PARVA: variants seen among roughly 807,000 people sequenced by gnomAD.
The protein encoded by PARVA is parvin alpha.
PARVA carries 25 observed loss-of-function variants against 52.6 expected under a neutral mutation model. The ratio of observed to expected loss-of-function variants is 0.48; its 90% CI spans 0.35 to 0.66. The LOEUF is 0.66. Ranked by LOEUF, PARVA falls within the 30% of genes least tolerant of loss-of-function variation. The probability of loss-of-function intolerance (pLI) is 0.01; values close to 1 mark genes in which losing one functional copy is unlikely to be tolerated. For missense variants in PARVA, 373 were observed against 450.9 expected (o/e 0.83, Z 1.56); for synonymous variants, 185 against 179.1 (o/e 1.03, Z -0.26).
At chr11:12,419,474 A>G (rs1940116305) in intron 1 of PARVA, among the ~76,000 whole-genome samples, 1 of 152,202 alleles carries the variant, frequency 6.6e-6, no homozygotes, top group South Asian at 2.1e-4. Context: ...GCTGAATGAT[A>G]TTCCATTGTA....
intron 12 of PARVA, among the ~76,000 whole-genome samples, chr11:12,527,617 G>A (rs1941720313): frequency 6.6e-6 from 1 of 152,174 alleles, no homozygotes; most frequent in South Asian, 2.1e-4. Context: ...GAGCCCCTGG[G>A]ACAGGTGGGG....
At position 12,513,990 on chromosome 11, in the gene PARVA, C is replaced by A. The variant is rs780817736; in HGVS notation, c.799-7C>A. On this transcript the variant is annotated splice_region_variant and splice_polypyrimidine_tract_variant and intron_variant, in intron 9 of 12. Coordinates refer to ENST00000334956, the MANE Select transcript of PARVA (RefSeq NM_018222.5). ...CCAGCTTAGGGCCTGCTTTGCTTCT[C>A]TTTTAGACACTCATCACTTTCGTGA... 2.2e-5 allele frequency: 35 copies of A among 1,613,508 alleles called. No individual in the cohort carries two copies. The highest frequency in any genetic ancestry group is 1.7e-4 in the Middle Eastern group (1 of 6,060).
intron 1 of PARVA, among the ~76,000 whole-genome samples, chr11:12,440,619 T>C (rs1388009584): frequency 3.3e-5 from 5 of 152,240 alleles, no homozygotes; most frequent in African/African-American, 4.8e-5. Flanking sequence ...GCAGGGTTTT[T>C]ATCTGGTGGC....
At chr11:12,451,064 C>T (rs866551233) in intron 1 of PARVA, among the ~76,000 whole-genome samples, 1 of 152,222 alleles carries the variant, frequency 6.6e-6, no homozygotes, top group African/African-American at 2.4e-5. Context: ...TTAACCATCA[C>T]ACCCTGGAAG....
intron 1 of PARVA, among the ~76,000 whole-genome samples, chr11:12,434,855 C>T (rs1240193419): frequency 6.6e-6 from 1 of 152,140 alleles, no homozygotes; most frequent in Non-Finnish European, 1.5e-5. Flanking sequence ...TTTTACCGAG[C>T]CTGCTCCAGG....
At position 12,473,914 on chromosome 11, in the gene PARVA, G is replaced by A; in HGVS notation, c.228G>A (p.Glu76=). Reference sequence around the variant, plus strand: ...ACTGAATTCCTTTTCTTTTTAAAGAGGAGAATGAGGTGCGAACAATGGTGG... The same window carrying A: ...ACTGAATTCCTTTTCTTTTTAAAGAAGAGAATGAGGTGCGAACAATGGTGG... ...FELDPEDTML[E]ENEVRTMVDP... Residue 76 remains glutamate, a splice_region_variant and synonymous_variant, in exon 3 of 13, where the codon GAG becomes GAA. Transcript: ENST00000334956. 8 of 1,575,874 alleles carry A rather than the reference G, an allele frequency of 5.1e-6. No individual in the cohort carries two copies. The highest frequency in any genetic ancestry group is 6.9e-6 in the Non-Finnish European group (8 of 1,160,552).
chr11:12,517,303 ACCACCCC>A lies in PARVA; in HGVS notation c.868-287_868-281del, dbSNP rs75796904. On this transcript the variant is annotated intron_variant, in intron 10 of 12. Transcript: ENST00000334956. ...CTCCTCCAGGGCAGGAGCCACACTG[ACCACCCC>A]CCACCCCCCACCCCCCACCATGCTC... Among the ~76,000 whole-genome samples, 182 of 112,560 alleles carry A rather than the reference ACCACCCC, an allele frequency of 1.6e-3. 3 individuals carry two copies. The highest frequency in any genetic ancestry group is 5.1e-3 in the African/African-American group (146 of 28,552). 73.8% of individuals were successfully genotyped at this position (112,560 alleles called of 152,430 possible). A position where few individuals can be genotyped will look rare whatever the true frequency, so the allele number is the denominator to read the frequency against.
At chr11:12,470,714 G>A (rs1392282261) in intron 1 of PARVA, among the ~76,000 whole-genome samples, 1 of 152,180 alleles carries the variant, frequency 6.6e-6, no homozygotes, top group Non-Finnish European at 1.5e-5. Context: ...AGAGGGAGGT[G>A]GGAGGGCGCT....
Position 12,534,039 on chromosome 11 carries a change from G to A in PARVA, c.*6114G>A, listed in dbSNP as rs1046562375. ...AAAAATTAGCCAGGTGTGGTGGTGC[G>A]TGCCTGTAATCCCAGCTACTCAGGG... On this transcript the variant is annotated 3_prime_UTR_variant, in exon 13 of 13. Coordinates refer to ENST00000334956, the MANE Select transcript of PARVA (RefSeq NM_018222.5). Among the ~76,000 whole-genome samples the A allele has an allele frequency of 6.6e-5, 10 of 152,192 alleles. No individual in the cohort carries two copies. The East Asian group carries it at 1.2e-3, about 18-fold the overall frequency.
chr11:12,378,399 G>A (rs1939435824), intron 1 of PARVA, among the ~76,000 whole-genome samples: 1 of 152,070 alleles, frequency 6.6e-6, no homozygotes, highest in African/African-American at 2.4e-5. Flanking sequence ...ATGAATGAGC[G>A]AAAAACTGGC....
chr11:12,496,489 T>C lies in PARVA; in HGVS notation c.432T>C (p.Ala144=). 1 of 1,608,696 alleles carries C rather than the reference T, an allele frequency of 6.2e-7. No individual in the cohort carries two copies. The highest frequency in any genetic ancestry group is 1.3e-5 in the African/African-American group (1 of 74,996). Residue 144 remains alanine (A), a synonymous_variant, in exon 5 of 13, where the codon GCT becomes GCC. Transcript: ENST00000334956. ...TGGAGAGTGAGAAGCTAAATGTGGCTGAGGTCACCCAGTCAGAGATTGCTC... is the reference window on the plus strand; with the variant it reads ...TGGAGAGTGAGAAGCTAAATGTGGCCGAGGTCACCCAGTCAGAGATTGCTC... The part of the protein sequence containing the change: ...EKLESEKLNV[A]EVTQSEIAQK...
chr11:12,422,859 CTTAT>C (rs1003004589), intron 1 of PARVA, among the ~76,000 whole-genome samples: 2 of 152,012 alleles, frequency 1.3e-5, no homozygotes, highest in African/African-American at 2.4e-5. Flanking sequence ...TGTTACTTTT[CTTAT>C]TTATTTATTT....
At chr11:12,382,711 G>A (rs1939510792) in intron 1 of PARVA, among the ~76,000 whole-genome samples, 1 of 152,104 alleles carries the variant, frequency 6.6e-6, no homozygotes, top group African/African-American at 2.4e-5. Flanking sequence ...TGGTCTTTAG[G>A]ATTAGACACA....
rs746590321 is a variant in PARVA, at chr11:12,379,219, T to C, written c.136+1436T>C. On this transcript the variant is annotated intron_variant, in intron 1 of 12. Transcript: ENST00000334956. ...CCGACTTCTTTACTGCGACCTGTTTTATCAGCAAGGTCTTTATGACCTGTA... is the reference window on the plus strand; with the variant it reads ...CCGACTTCTTTACTGCGACCTGTTTCATCAGCAAGGTCTTTATGACCTGTA... Among the ~76,000 whole-genome samples, 3 of 134,702 alleles carry C rather than the reference T, an allele frequency of 2.2e-5. No homozygotes were observed. In the East Asian group the frequency reaches 7.2e-4, roughly 32 times the overall value. 88.4% of individuals were successfully genotyped at this position (134,702 alleles called of 152,430 possible).
intron 3 of PARVA, among the ~76,000 whole-genome samples, chr11:12,476,718 A>G (rs1941019234): frequency 6.6e-6 from 1 of 152,142 alleles, no homozygotes; most frequent in Non-Finnish European, 1.5e-5. Context: ...GTCTTACTCT[A>G]CTGGATACAG....
At position 12,534,717 on chromosome 11, in the gene PARVA, T is replaced by C. The variant is rs997465373; in HGVS notation, c.*6792T>C. 1.3e-5 allele frequency among the ~76,000 whole-genome samples: 2 copies of C among 152,242 alleles called. No homozygotes were observed. Among genetic ancestry groups the C allele is most frequent in the Non-Finnish European group, 2.9e-5 (2 of 68,042 alleles). ...AATATTTAATCTGTTACATGTTTGC[T>C]CTGTGTGGAGCCAGGGTTGGGGCTG... On this transcript the variant is annotated 3_prime_UTR_variant, in exon 13 of 13. Coordinates refer to ENST00000334956, the MANE Select transcript of PARVA (RefSeq NM_018222.5).
chr11:12,437,095 T>C (rs1475930872), intron 1 of PARVA, among the ~76,000 whole-genome samples: 1 of 152,248 alleles, frequency 6.6e-6, no homozygotes, highest in Non-Finnish European at 1.5e-5. Context: ...GCTAGTATTT[T>C]GTGTTATAAT....
chr11:12,400,997 T>C (rs958815881), intron 1 of PARVA, among the ~76,000 whole-genome samples: 2 of 152,206 alleles, frequency 1.3e-5, no homozygotes, highest in Non-Finnish European at 2.9e-5. Context: ...AGGGCTCATT[T>C]GTTGTTTAAT....
intron 1 of PARVA, among the ~76,000 whole-genome samples, chr11:12,472,197 A>T (rs1940943525): frequency 6.6e-6 from 1 of 152,212 alleles, no homozygotes; most frequent in African/African-American, 2.4e-5. Context: ...CATAAAATAC[A>T]CTAAACACTA....
Sources: allele counts gnomAD v4.1 joint callset (sites outside exome capture counted in the v4.1 genomes callset), GRCh38; gene constraint gnomAD v4.1.1; transcripts MANE v1.5; gene names NCBI Gene and HGNC (gene_info 2026-07-23, HGNC 2026-07-21).